Variants in SH3GL2 observed in about 807,000 individuals in gnomAD.
SH3GL2 encodes the protein endophilin-A1.
In SH3GL2, 24 loss-of-function variants were observed where a neutral mutation model predicts 46.0. The ratio of observed to expected loss-of-function variants is 0.52; its 90% CI spans 0.38 to 0.73. SH3GL2 has a LOEUF of 0.73. SH3GL2 is among the 30% of genes least tolerant of loss of function. The pLI, the probability that SH3GL2 is intolerant of heterozygous loss-of-function variation, is 0.00. For synonymous variants in SH3GL2, 196 were observed against 147.1 expected (o/e 1.33, Z -2.40); for missense variants, 413 against 424.2 (o/e 0.97, Z 0.23).
At chr9:17,663,756 AG>A (rs1161012410) in intron 1 of SH3GL2, among the ~76,000 whole-genome samples, 2 of 152,230 alleles carry the variant, frequency 1.3e-5, no homozygotes, top group African/African-American at 4.8e-5. Context: ...ATTAAAGTGA[AG>A]CTGCTGCCAG....
chr9:17,649,679 G>A (rs1401805521), intron 1 of SH3GL2, among the ~76,000 whole-genome samples: 1 of 152,088 alleles, frequency 6.6e-6, no homozygotes, highest in Non-Finnish European at 1.5e-5. Context: ...TTTTTCTTTT[G>A]GCAAATACAC....
At chr9:17,624,304 C>G (rs1215005277) in intron 1 of SH3GL2, among the ~76,000 whole-genome samples, 1 of 152,142 alleles carries the variant, frequency 6.6e-6, no homozygotes, top group Non-Finnish European at 1.5e-5. Flanking sequence ...TTTTCTCTTT[C>G]TTCCCTTGCA....
chr9:17,790,543 C>G (rs879675990), intron 6 of SH3GL2, among the ~76,000 whole-genome samples: 1 of 152,126 alleles, frequency 6.6e-6, no homozygotes, highest in Non-Finnish European at 1.5e-5. Context: ...GAGGGGTGCT[C>G]CAAATCACAG....
intron 1 of SH3GL2, among the ~76,000 whole-genome samples, chr9:17,717,837 C>A (rs188168275): frequency 2.6e-5 from 4 of 152,220 alleles, no homozygotes; most frequent in African/African-American, 9.6e-5. Flanking sequence ...GATGTACTAG[C>A]AGCTGCTCCA....
Position 17,690,734 on chromosome 9 carries a change from C to T in SH3GL2, c.46-56332C>T, listed in dbSNP as rs1322958660. The stretch of plus-strand genomic sequence containing the variant: ...TTTATTAAGAATAACATGAAAAGTG[C>T]CGGGTACTAGGGGCACCTATGTGAA... On this transcript the variant is annotated intron_variant, in intron 1 of 8. Coordinates refer to ENST00000380607, the MANE Select transcript of SH3GL2 (RefSeq NM_003026.5). 3.3e-5 allele frequency among the ~76,000 whole-genome samples: 5 copies of T among 152,178 alleles called. No homozygotes were observed. In the East Asian group the frequency reaches 5.8e-4, roughly 18 times the overall value.
At chr9:17,739,426 A>C (rs1822458292) in intron 1 of SH3GL2, among the ~76,000 whole-genome samples, 1 of 152,080 alleles carries the variant, frequency 6.6e-6, no homozygotes, top group African/African-American at 2.4e-5. Context: ...ATTAGCAGAT[A>C]CTGTCTTTTT....
In SH3GL2 at chr9:17,645,348, A is replaced by G. The variant is rs147912790; in HGVS notation, c.45+66061A>G. 2.2e-3 allele frequency among the ~76,000 whole-genome samples: 330 copies of G among 151,882 alleles called. 2 individuals carry two copies. Among genetic ancestry groups the G allele is most frequent in the African/African-American group, 7.8e-3 (323 of 41,408 alleles). On this transcript the variant is annotated intron_variant, in intron 1 of 8. Coordinates refer to ENST00000380607, the MANE Select transcript of SH3GL2 (RefSeq NM_003026.5). ...GCAATTTGCAAGTCTGTGCCTTTTA[A>G]TTGGGGCATTTATCCCATTTACATT...
chr9:17,735,543 A>G (rs753446798), intron 1 of SH3GL2, among the ~76,000 whole-genome samples: 6 of 152,106 alleles, frequency 3.9e-5, no homozygotes, highest in Non-Finnish European at 7.4e-5. Flanking sequence ...CGTGGGTGGA[A>G]TATAGAATAT....
intron 1 of SH3GL2, among the ~76,000 whole-genome samples, chr9:17,729,756 A>C (rs1246226944): frequency 6.6e-6 from 1 of 152,172 alleles, no homozygotes; most frequent in Non-Finnish European, 1.5e-5. Flanking sequence ...GGTTTGTCAA[A>C]GATCAGATAG....
At chr9:17,645,941 C>T (rs1819805340) in intron 1 of SH3GL2, among the ~76,000 whole-genome samples, 1 of 152,024 alleles carries the variant, frequency 6.6e-6, no homozygotes, top group Non-Finnish European at 1.5e-5. Flanking sequence ...TGGGGAAGTT[C>T]TCCTGGGTAA....
At chr9:17,636,747 T>C (rs7025733) in intron 1 of SH3GL2, among the ~76,000 whole-genome samples, 2,045 of 152,316 alleles carry the variant, frequency 0.013, 45 homozygotes, top group African/African-American at 0.046. Context: ...GTTACTCTTG[T>C]GTCCACTGTA....
chr9:17,793,098 A>G (rs151154905), intron 7 of SH3GL2, among the ~76,000 whole-genome samples: 1 of 152,306 alleles, frequency 6.6e-6, no homozygotes, highest in East Asian at 1.9e-4. Context: ...CACAGTGCGT[A>G]TTTGGATAAA....
intron 2 of SH3GL2, among the ~76,000 whole-genome samples, chr9:17,753,373 G>C (rs1822902171): frequency 6.6e-6 from 1 of 151,918 alleles, no homozygotes. Context: ...AGCATCTGTT[G>C]TTTTTTGACT....
intron 1 of SH3GL2, among the ~76,000 whole-genome samples, chr9:17,600,835 C>T (rs1818656271): frequency 6.6e-6 from 1 of 152,088 alleles, no homozygotes; most frequent in African/African-American, 2.4e-5. Flanking sequence ...GAAGACAGAG[C>T]AGAGGGGAGA....
At chr9:17,657,449 A>G (rs1178926520) in intron 1 of SH3GL2, among the ~76,000 whole-genome samples, 3 of 152,170 alleles carry the variant, frequency 2.0e-5, no homozygotes, top group Non-Finnish European at 4.4e-5. Context: ...TGGTTGTACC[A>G]CAAACAGAGG....
chr9:17,631,458 A>G (rs912687448), intron 1 of SH3GL2, among the ~76,000 whole-genome samples: 3 of 152,150 alleles, frequency 2.0e-5, no homozygotes, highest in African/African-American at 7.2e-5. Context: ...TCTGGGCTTT[A>G]TTGTAATGTA....
chr9:17,602,175 G>T (rs765130929), intron 1 of SH3GL2, among the ~76,000 whole-genome samples: 47 of 152,180 alleles, frequency 3.1e-4, no homozygotes, highest in Non-Finnish European at 5.7e-4. Flanking sequence ...TGGACCCAAG[G>T]CAGGATGCTC....
intron 1 of SH3GL2, among the ~76,000 whole-genome samples, chr9:17,615,592 T>C (rs1588175006): frequency 6.9e-6 from 1 of 145,792 alleles, no homozygotes; most frequent in South Asian, 2.2e-4. Context: ...GAGGCAGAGG[T>C]TGCAGTGAGC....
chr9:17,685,838 T>A (rs1320280131), intron 1 of SH3GL2, among the ~76,000 whole-genome samples: 1 of 152,104 alleles, frequency 6.6e-6, no homozygotes, highest in African/African-American at 2.4e-5. Flanking sequence ...CCATGCTGTT[T>A]TGGTTACTGT....
Sources: gnomAD v4.1 joint callset for allele counts (sites outside exome capture counted in the v4.1 genomes callset) on GRCh38, gnomAD v4.1.1 for gene constraint, MANE v1.5 for transcripts, NCBI Gene and HGNC (gene_info 2026-07-23, HGNC 2026-07-21) for gene names.